Variants in ROBO1 observed in about 807,000 individuals in gnomAD.
The protein encoded by ROBO1 is roundabout guidance receptor 1.
In ROBO1, 149 loss-of-function variants were observed where a neutral mutation model predicts 195.9. The ratio of observed to expected loss-of-function variants is 0.76; its 90% confidence interval spans 0.67 to 0.87. ROBO1 has a LOEUF of 0.87. Among genes scored for constraint, ROBO1 ranks in the 40% least tolerant of loss-of-function variants. The pLI, the probability that ROBO1 is intolerant of heterozygous loss-of-function variation, is 0.00. For missense variants in ROBO1, 1,933 were observed against 2,068.3 expected (o/e 0.93, Z 1.27); for synonymous variants, 816 against 733.2 (o/e 1.11, Z -1.82).
At chr3:78,647,691 A>C in intron 19 of ROBO1, 36 bp from the exon 20 acceptor site, 1 of 1,560,254 alleles carries the variant, frequency 6.4e-7, no homozygotes, top group Non-Finnish European at 8.8e-7. Context: ...CCAGTTATTA[A>C]GCTGAAGAGA....
chr3:79,232,168 T>G (rs899830364), intron 2 of ROBO1, among the ~76,000 whole-genome samples: 5 of 151,428 alleles, frequency 3.3e-5, no homozygotes, highest in African/African-American at 1.2e-4. Context: ...AGTTTAATTA[T>G]GTAACAAACC....
intron 1 of ROBO1, among the ~76,000 whole-genome samples, chr3:79,595,286 G>A (rs1007481989): frequency 4.6e-5 from 7 of 151,870 alleles, no homozygotes; most frequent in Non-Finnish European, 1.0e-4. Flanking sequence ...AAATTTCTTA[G>A]AAAGTAAAAA....
intron 2 of ROBO1, among the ~76,000 whole-genome samples, chr3:79,188,650 C>G (rs1357763009): frequency 6.6e-6 from 1 of 151,654 alleles, no homozygotes; most frequent in African/African-American, 2.4e-5. Flanking sequence ...TATGAAGATG[C>G]CCTTTCATTG....
chr3:79,409,462 C>T lies in ROBO1; in HGVS notation c.88+180362G>A, dbSNP rs190333105. ...TTCATAAGGAAATTGAAGATCTCTCCAAATATATTTCACAAGTTCCCCCAA... is the reference window on the plus strand; with the variant it reads ...TTCATAAGGAAATTGAAGATCTCTCTAAATATATTTCACAAGTTCCCCCAA... On this transcript the variant is annotated intron_variant, in intron 2 of 30. Coordinates refer to ENST00000464233, the MANE Select transcript of ROBO1 (RefSeq NM_002941.4). 8.1e-4 allele frequency among the ~76,000 whole-genome samples: 123 copies of T among 152,162 alleles called. 1 individual carries two copies. The highest frequency in any genetic ancestry group is 6.8e-3 in the Middle Eastern group (2 of 294).
At chr3:79,579,765 T>C (rs1486004640) in intron 2 of ROBO1, among the ~76,000 whole-genome samples, 1 of 151,920 alleles carries the variant, frequency 6.6e-6, no homozygotes, top group Non-Finnish European at 1.5e-5. Context: ...CTCAACATAT[T>C]AGAAAAGAAA....
At chr3:78,936,090 A>G (rs2039790553) in intron 4 of ROBO1, among the ~76,000 whole-genome samples, 1 of 152,024 alleles carries the variant, frequency 6.6e-6, no homozygotes, top group African/African-American at 2.4e-5. Flanking sequence ...CCCCCAAATA[A>G]CTGATAAATA....
rs189107293 is a variant in ROBO1, at chr3:79,369,005, A to G, written c.88+220819T>C. On this transcript the variant is annotated intron_variant, in intron 2 of 30. Coordinates refer to ENST00000464233, the MANE Select transcript of ROBO1 (RefSeq NM_002941.4). ...GGTATGCACAAATTTGCAAAGAAAC[A>G]CTTATTGTGCATAACCAGTACCTTC... Among the ~76,000 whole-genome samples, 388 of 152,326 alleles carry G rather than the reference A, an allele frequency of 2.5e-3. 4 individuals carry two copies. The highest frequency in any genetic ancestry group is 5.6e-3 in the East Asian group (29 of 5,182).
chr3:78,865,980 A>G (rs1049736530), intron 4 of ROBO1, among the ~76,000 whole-genome samples: 1 of 152,154 alleles, frequency 6.6e-6, no homozygotes, highest in African/African-American at 2.4e-5. Flanking sequence ...AGATCTCCTA[A>G]TATCTGTATC....
At chr3:79,162,525 A>T (rs1484117844) in intron 2 of ROBO1, among the ~76,000 whole-genome samples, 3 of 152,114 alleles carry the variant, frequency 2.0e-5, no homozygotes, top group Non-Finnish European at 4.4e-5. Context: ...GATGGGTGCT[A>T]GTTTGCATCA....
chr3:79,245,585 G>A (rs946146500), intron 2 of ROBO1, among the ~76,000 whole-genome samples: 2 of 151,704 alleles, frequency 1.3e-5, no homozygotes, highest in Non-Finnish European at 2.9e-5. Flanking sequence ...ACAGAAAAAC[G>A]CAGTTAAAAA....
At chr3:78,628,223 G>A (rs1469787910) in intron 25 of ROBO1, among the ~76,000 whole-genome samples, 2 of 152,050 alleles carry the variant, frequency 1.3e-5, no homozygotes, top group Admixed American at 6.6e-5. Flanking sequence ...CAAAGTGCTG[G>A]GATTACAGGC....
At chr3:79,548,294 A>G (rs141189459) in intron 2 of ROBO1, among the ~76,000 whole-genome samples, 13 of 152,324 alleles carry the variant, frequency 8.5e-5, no homozygotes, top group South Asian at 2.1e-4. Context: ...AAGTTCCATT[A>G]ATTAAATCTC....
chr3:79,380,721 C>A (rs1226507578), intron 2 of ROBO1, among the ~76,000 whole-genome samples: 1 of 152,102 alleles, frequency 6.6e-6, no homozygotes, highest in Non-Finnish European at 1.5e-5. Flanking sequence ...CTGCTCCCAT[C>A]AAGAGCCGAA....
chr3:78,796,763 C>T (rs1471969291), intron 4 of ROBO1, among the ~76,000 whole-genome samples: 2 of 152,130 alleles, frequency 1.3e-5, no homozygotes, highest in Non-Finnish European at 2.9e-5. Flanking sequence ...CAACTAACTC[C>T]CTGTGTCTCT....
At chr3:79,184,142 G>A (rs72896087) in intron 2 of ROBO1, among the ~76,000 whole-genome samples, 2,349 of 152,098 alleles carry the variant, frequency 0.015, 54 homozygotes, top group African/African-American at 0.054. Flanking sequence ...TAAAAGTATC[G>A]GCAGGATGCA....
In ROBO1 at chr3:79,208,088, A is replaced by G. The variant is rs183506367; in HGVS notation, c.89-82549T>C. The stretch of plus-strand genomic sequence containing the variant: ...TCTAAGTTCCCCATGCTCAAATCTA[A>G]GTAGATCTTTCTGGAGTTTGAATAT... On this transcript the variant is annotated intron_variant, in intron 2 of 30. Coordinates refer to ENST00000464233, the MANE Select transcript of ROBO1 (RefSeq NM_002941.4). 5.8e-4 allele frequency among the ~76,000 whole-genome samples: 89 copies of G among 152,322 alleles called. No homozygotes were observed. The East Asian group carries it at 0.013, about 21-fold the overall frequency.
At chr3:79,753,254 T>C (rs1704216490) in intron 1 of ROBO1, among the ~76,000 whole-genome samples, 2 of 151,880 alleles carry the variant, frequency 1.3e-5, no homozygotes, top group South Asian at 4.1e-4. Context: ...GCAATTCTGA[T>C]TTAAATGATT....
chr3:79,281,002 C>G (rs1234685438), intron 2 of ROBO1, among the ~76,000 whole-genome samples: 1 of 152,060 alleles, frequency 6.6e-6, no homozygotes, highest in African/African-American at 2.4e-5. Flanking sequence ...TTAGACAATA[C>G]TACAAGTAAT....
chr3:79,229,590 T>TG lies in ROBO1; in HGVS notation c.89-104052dup, dbSNP rs151156602. On this transcript the variant is annotated intron_variant, in intron 2 of 30. Transcript: ENST00000464233. Reference sequence around the variant, plus strand: ...CTAAGATTACAGACTTGAGCCACAGTGCCCAGCTGATGTTTTTATTATTTA... The same window carrying TG: ...CTAAGATTACAGACTTGAGCCACAGTGGCCCAGCTGATGTTTTTATTATTTA... 2.0e-5 allele frequency among the ~76,000 whole-genome samples: 3 copies of TG among 152,158 alleles called. No individual in the cohort carries two copies. In the East Asian group the frequency reaches 5.8e-4, roughly 29 times the overall value.
Sources: gnomAD v4.1 joint callset for allele counts (sites outside exome capture counted in the v4.1 genomes callset) on GRCh38, gnomAD v4.1.1 for gene constraint, MANE v1.5 for transcripts, NCBI Gene and HGNC (gene_info 2026-07-23, HGNC 2026-07-21) for gene names.